The following SHISA6 variants were observed in gnomAD, a reference collection of about 807,000 sequenced individuals.
SHISA6 encodes the protein protein shisa-6.
A neutral mutation model predicts 47.9 loss-of-function variants in SHISA6; 22 were observed. That is an observed-to-expected ratio of 0.46 (90% CI 0.33 to 0.66). SHISA6 has a LOEUF of 0.66. Among genes scored for constraint, SHISA6 ranks in the 30% least tolerant of loss-of-function variants. SHISA6 has a pLI of 0.02. For missense variants in SHISA6, 680 were observed against 764.6 expected (o/e 0.89, Z 1.30); for synonymous variants, 388 against 337.8 (o/e 1.15, Z -1.63).
intron 2 of SHISA6, among the ~76,000 whole-genome samples, chr17:11,301,178 T>C (rs1909915173): frequency 6.6e-6 from 1 of 151,900 alleles, no homozygotes; most frequent in East Asian, 1.9e-4. Context: ...CCCTCACTAG[T>C]TTTCTTCCTC....
chr17:11,283,556 T>C (rs547022227), intron 2 of SHISA6, among the ~76,000 whole-genome samples: 1 of 152,336 alleles, frequency 6.6e-6, no homozygotes, highest in South Asian at 2.1e-4. Context: ...TTCTTTTGAA[T>C]CTGAATTAAG....
At chr17:11,317,992 T>C (rs1401309349) in intron 2 of SHISA6, among the ~76,000 whole-genome samples, 1 of 152,200 alleles carries the variant, frequency 6.6e-6, no homozygotes, top group Non-Finnish European at 1.5e-5. Flanking sequence ...CCTGGATTAT[T>C]ACACTTCTGC....
chr17:11,426,230 C>T (rs1204834184), intron 3 of SHISA6, among the ~76,000 whole-genome samples: 2 of 152,148 alleles, frequency 1.3e-5, no homozygotes, highest in Admixed American at 1.3e-4. Flanking sequence ...CCTAAAAGTG[C>T]CAAGCATTCT....
intron 3 of SHISA6, among the ~76,000 whole-genome samples, chr17:11,488,271 A>T (rs1022695853): frequency 6.6e-6 from 1 of 152,168 alleles, no homozygotes; most frequent in African/African-American, 2.4e-5. Context: ...AGTGGTCAGA[A>T]TCATCACACT....
intron 2 of SHISA6, among the ~76,000 whole-genome samples, chr17:11,280,700 A>G (rs1051638509): frequency 1.3e-5 from 2 of 152,236 alleles, no homozygotes; most frequent in African/African-American, 4.8e-5. Context: ...GGAGGAATAG[A>G]CCAAGATAGG....
chr17:11,554,402 G>A (rs2071957230), intron 4 of SHISA6, among the ~76,000 whole-genome samples: 1 of 152,168 alleles, frequency 6.6e-6, no homozygotes, highest in Non-Finnish European at 1.5e-5. Context: ...AATGAAGGCA[G>A]GAAGGGGTAG....
intron 1 of SHISA6, among the ~76,000 whole-genome samples, chr17:11,256,752 G>C (rs1241612053): frequency 1.3e-5 from 2 of 152,162 alleles, no homozygotes; most frequent in African/African-American, 4.8e-5. Context: ...TGATATTGAC[G>C]CTACCACATT....
chr17:11,447,867 G>A (rs1366295760), intron 3 of SHISA6, among the ~76,000 whole-genome samples: 1 of 152,114 alleles, frequency 6.6e-6, no homozygotes, highest in Non-Finnish European at 1.5e-5. Context: ...AGAGCTCAGG[G>A]GCTTATAAGC....
At chr17:11,428,034 T>G (rs1311754754) in intron 3 of SHISA6, among the ~76,000 whole-genome samples, 1 of 152,214 alleles carries the variant, frequency 6.6e-6, no homozygotes, top group Non-Finnish European at 1.5e-5. Flanking sequence ...CTGAGATTAG[T>G]GACAGCTGAC....
At chr17:11,521,822 G>T (rs1292016596) in intron 3 of SHISA6, among the ~76,000 whole-genome samples, 1 of 151,954 alleles carries the variant, frequency 6.6e-6, no homozygotes. Flanking sequence ...AGATAAACTA[G>T]CTAGACTATA....
intron 3 of SHISA6, among the ~76,000 whole-genome samples, chr17:11,510,359 G>C (rs557980248): frequency 2.6e-5 from 4 of 152,240 alleles, no homozygotes; most frequent in Admixed American, 2.6e-4. Flanking sequence ...TCCTGGGTAG[G>C]GGGAGAAGAA....
intron 2 of SHISA6, among the ~76,000 whole-genome samples, chr17:11,320,203 T>C (rs1446731886): frequency 2.0e-5 from 3 of 152,248 alleles, no homozygotes; most frequent in Non-Finnish European, 2.9e-5. Flanking sequence ...ATTCTGAACC[T>C]TAGTTGTATC....
chr17:11,245,755 GGGT>G (rs1336600049), intron 1 of SHISA6, among the ~76,000 whole-genome samples: 1 of 148,282 alleles, frequency 6.7e-6, no homozygotes, highest in African/African-American at 2.5e-5. Flanking sequence ...AGGGTGGGGG[GGGT>G]GGATATCTAG....
chr17:11,352,317 C>T (rs1444255264), intron 2 of SHISA6, among the ~76,000 whole-genome samples: 1 of 151,950 alleles, frequency 6.6e-6, no homozygotes, highest in Admixed American at 6.5e-5. Context: ...AAAAAAAACC[C>T]TGAACAATAT....
chr17:11,528,286 A>G (rs1319740815), intron 3 of SHISA6, among the ~76,000 whole-genome samples: 1 of 152,236 alleles, frequency 6.6e-6, no homozygotes, highest in Non-Finnish European at 1.5e-5. Flanking sequence ...AGATTAAATT[A>G]AATGAGGGAT....
chr17:11,383,291 C>T (rs115666072), intron 3 of SHISA6, among the ~76,000 whole-genome samples: 5,327 of 152,206 alleles, frequency 0.035, 167 homozygotes, highest in Admixed American at 0.09. Context: ...GAAGCACCGT[C>T]TAGCATCAGC....
intron 2 of SHISA6, among the ~76,000 whole-genome samples, chr17:11,321,317 T>G (rs544210465): frequency 1.4e-4 from 22 of 152,360 alleles, no homozygotes; most frequent in Non-Finnish European, 7.3e-5. Context: ...ATGGCCACTC[T>G]TAGCTGCAAG....
chr17:11,513,206 ATATGTATG>A (rs1197422054), intron 3 of SHISA6, among the ~76,000 whole-genome samples: 2 of 131,312 alleles, frequency 1.5e-5, no homozygotes, highest in African/African-American at 5.8e-5. Context: ...ATGTGTGTAT[ATATGTATG>A]TGTTATATAT....
chr17:11,419,548 G>A (rs1914392477), intron 3 of SHISA6, among the ~76,000 whole-genome samples: 1 of 152,144 alleles, frequency 6.6e-6, no homozygotes, highest in Non-Finnish European at 1.5e-5. Flanking sequence ...TAGGAGTTTA[G>A]GCAGGCAGTG....
Sources: allele counts gnomAD v4.1 joint callset (sites outside exome capture counted in the v4.1 genomes callset), GRCh38; gene constraint gnomAD v4.1.1; transcripts MANE v1.5; gene names NCBI Gene and HGNC (gene_info 2026-07-23, HGNC 2026-07-21).